KCNH5: variants seen among roughly 807,000 people sequenced by gnomAD.
KCNH5 encodes the protein potassium voltage-gated channel subfamily H member 5, also known as voltage-gated delayed rectifier potassium channel KCNH5.
A neutral mutation model predicts 96.1 loss-of-function variants in KCNH5; 46 were observed. That is an observed-to-expected ratio of 0.48 (90% CI 0.38 to 0.61). KCNH5 has a LOEUF of 0.61. Ranked by LOEUF, KCNH5 falls within the 20% of genes least tolerant of loss-of-function variation. The probability of loss-of-function intolerance (pLI) is 0.00; values close to 1 mark genes in which losing one functional copy is unlikely to be tolerated. For synonymous variants in KCNH5, 439 were observed against 449.8 expected (o/e 0.98, Z 0.30); for missense variants, 907 against 1,225.8 (o/e 0.74, Z 3.88).
chr14:62,875,028 G>C (rs1377324849), intron 7 of KCNH5, among the ~76,000 whole-genome samples: 1 of 124,474 alleles, frequency 8.0e-6, no homozygotes, highest in East Asian at 2.5e-4. Flanking sequence ...AAAATCACAA[G>C]CATTCTTATA....
chr14:63,028,223 C>A (rs1242191853), intron 1 of KCNH5, among the ~76,000 whole-genome samples: 1 of 152,062 alleles, frequency 6.6e-6, no homozygotes, highest in African/African-American at 2.4e-5. Flanking sequence ...ACCCTGCCCC[C>A]ATCATACCAT....
chr14:62,767,255 A>G (rs1885881030), intron 10 of KCNH5, among the ~76,000 whole-genome samples: 1 of 152,206 alleles, frequency 6.6e-6, no homozygotes. Flanking sequence ...TACTGTGGAA[A>G]GCAGCTTGGA....
chr14:63,042,079 A>G (rs985985059), intron 1 of KCNH5, among the ~76,000 whole-genome samples: 9 of 152,020 alleles, frequency 5.9e-5, no homozygotes, highest in Non-Finnish European at 8.8e-5. Context: ...TAAATGTCTG[A>G]CATTTTCTCT....
chr14:63,012,608 A>G lies in KCNH5; in HGVS notation c.197+4223T>C, dbSNP rs534163749. Among the ~76,000 whole-genome samples, 5 of 152,200 alleles carry G rather than the reference A, an allele frequency of 3.3e-5. No individual in the cohort carries two copies. In the South Asian group the frequency reaches 1.0e-3, roughly 32 times the overall value. On this transcript the variant is annotated intron_variant, in intron 2 of 10. Coordinates refer to ENST00000322893, the MANE Select transcript of KCNH5 (RefSeq NM_139318.5). ...ACAGGGCCACAAGAAGATGTGTAGG[A>G]CGATTCTTATTTCCAAGTTGTTTGA...
chr14:62,742,790 T>C (rs549385224), intron 10 of KCNH5, among the ~76,000 whole-genome samples: 18 of 152,102 alleles, frequency 1.2e-4, no homozygotes, highest in Non-Finnish European at 2.5e-4. Flanking sequence ...GATCAAACTA[T>C]AGAGAAAAGT....
intron 7 of KCNH5, among the ~76,000 whole-genome samples, chr14:62,851,359 C>G (rs1887800854): frequency 6.6e-6 from 1 of 151,722 alleles, no homozygotes; most frequent in African/African-American, 2.4e-5. Context: ...TTTAATAGTT[C>G]AAAATAAATG....
intron 4 of KCNH5, among the ~76,000 whole-genome samples, chr14:62,997,128 C>T (rs751158602): frequency 3.2e-4 from 49 of 152,174 alleles, no homozygotes; most frequent in Non-Finnish European, 5.6e-4. Flanking sequence ...TTAATAGTCA[C>T]ATCATGGAGA....
At chr14:62,762,644 C>T (rs1296907863) in intron 10 of KCNH5, among the ~76,000 whole-genome samples, 7 of 151,932 alleles carry the variant, frequency 4.6e-5, no homozygotes, top group Non-Finnish European at 8.8e-5. Context: ...ACCCATTTCA[C>T]ATGCAATGAC....
At chr14:62,711,258 G>A (rs1417727095) in intron 10 of KCNH5, among the ~76,000 whole-genome samples, 1 of 149,070 alleles carries the variant, frequency 6.7e-6, no homozygotes, top group Non-Finnish European at 1.5e-5. Context: ...AAACAAAAGT[G>A]TTTGAATTGC....
At chr14:62,745,084 C>A (rs1295541379) in intron 10 of KCNH5, among the ~76,000 whole-genome samples, 4 of 152,160 alleles carry the variant, frequency 2.6e-5, no homozygotes, top group Non-Finnish European at 5.9e-5. Flanking sequence ...ATGCTCTTGA[C>A]CACCTCATTT....
intron 7 of KCNH5, among the ~76,000 whole-genome samples, chr14:62,914,182 T>C (rs1889228081): frequency 6.6e-6 from 1 of 152,200 alleles, no homozygotes; most frequent in Non-Finnish European, 1.5e-5. Flanking sequence ...TCCACAAAAA[T>C]AGAAATCGTT....
intron 10 of KCNH5, among the ~76,000 whole-genome samples, chr14:62,745,953 T>A (rs1444981239): frequency 6.6e-6 from 1 of 152,130 alleles, no homozygotes; most frequent in Non-Finnish European, 1.5e-5. Context: ...TACAGCTTCC[T>A]AAAGGATGTC....
intron 9 of KCNH5, among the ~76,000 whole-genome samples, chr14:62,795,628 A>C (rs139912643): frequency 2.5e-3 from 386 of 152,272 alleles, no homozygotes; most frequent in African/African-American, 8.8e-3. Flanking sequence ...TCCCTTGTGG[A>C]TACCAAGTAA....
intron 10 of KCNH5, among the ~76,000 whole-genome samples, chr14:62,774,260 T>C (rs1001266174): frequency 6.6e-6 from 1 of 152,000 alleles, no homozygotes; most frequent in Admixed American, 6.6e-5. Context: ...CATCTTTTCC[T>C]GACATATGCC....
At chr14:62,994,165 T>C (rs933484486) in intron 4 of KCNH5, among the ~76,000 whole-genome samples, 1 of 112,292 alleles carries the variant, frequency 8.9e-6, no homozygotes, top group African/African-American at 5.1e-5. Context: ...AGAGACTACA[T>C]TACATAGTAT....
At chr14:62,766,742 G>T (rs987911943) in intron 10 of KCNH5, among the ~76,000 whole-genome samples, 2 of 152,044 alleles carry the variant, frequency 1.3e-5, no homozygotes, top group African/African-American at 4.8e-5. Flanking sequence ...CAAAAAAGTA[G>T]AAAGAAATAA....
intron 9 of KCNH5, among the ~76,000 whole-genome samples, chr14:62,787,958 C>T (rs76105096): frequency 0.03 from 4,502 of 152,252 alleles, 248 homozygotes; most frequent in African/African-American, 0.1. Flanking sequence ...GTTTTCATGC[C>T]GGCTAACACA....
intron 7 of KCNH5, among the ~76,000 whole-genome samples, chr14:62,918,520 C>T (rs1889319542): frequency 2.0e-5 from 3 of 151,892 alleles, no homozygotes. Flanking sequence ...TTAAAAAGAT[C>T]ATAAAAGTTA....
chr14:62,765,356 A>G (rs1222020599), intron 10 of KCNH5, among the ~76,000 whole-genome samples: 3 of 152,178 alleles, frequency 2.0e-5, no homozygotes, highest in Non-Finnish European at 4.4e-5. Context: ...GCCTTTTATC[A>G]TGTGCAAAAA....
Sources: allele counts gnomAD v4.1 joint callset (sites outside exome capture counted in the v4.1 genomes callset), GRCh38; gene constraint gnomAD v4.1.1; transcripts MANE v1.5; gene names NCBI Gene and HGNC (gene_info 2026-07-23, HGNC 2026-07-21).